CFAP52: variants seen among roughly 807,000 people sequenced by gnomAD.
The protein encoded by CFAP52 is cilia and flagella associated protein 52, also known as cilia- and flagella-associated protein 52.
CFAP52 carries 57 observed loss-of-function variants against 70.5 expected under a neutral mutation model. The ratio of observed to expected loss-of-function variants is 0.81; its 90% CI spans 0.65 to 1.01. The LOEUF is 1.01. Ranked by LOEUF, CFAP52 falls within the 50% of genes least tolerant of loss-of-function variation. The pLI is 0.00. For missense variants in CFAP52, 785 were observed against 788.5 expected (o/e 1.00, Z 0.05); for synonymous variants, 267 against 292.5 (o/e 0.91, Z 0.89).
chr17:9,580,318 TAA>T (rs11386649), intron 1 of CFAP52, among the ~76,000 whole-genome samples: 10 of 134,746 alleles, frequency 7.4e-5, no homozygotes, highest in African/African-American at 1.1e-4. Context: ...GGACCTTTCT[TAA>T]AAAAAAAAAA....
chr17:9,594,511 A>C, intron 4 of CFAP52, 190 bp downstream of exon 4: 1 of 640,436 alleles, frequency 1.6e-6, no homozygotes, highest in Non-Finnish European at 2.3e-6. Context: ...GTTATTTTAA[A>C]ATTCTGTGAT....
At chr17:9,595,964 TA>T (rs1357618787) in intron 4 of CFAP52, among the ~76,000 whole-genome samples, 1 of 147,848 alleles carries the variant, frequency 6.8e-6, no homozygotes, top group East Asian at 2.0e-4. Context: ...CTCTGGGAGC[TA>T]AAAAAACAAA....
chr17:9,603,441 C>T (rs537035068), intron 6 of CFAP52, among the ~76,000 whole-genome samples: 59 of 152,294 alleles, frequency 3.9e-4, no homozygotes, highest in African/African-American at 8.7e-4. Context: ...GATCTCCTGA[C>T]CCCGTGATCC....
intron 7 of CFAP52, among the ~76,000 whole-genome samples, 195 bp downstream of exon 7, chr17:9,608,414 C>T (rs1201208507): frequency 1.3e-5 from 2 of 152,202 alleles, no homozygotes; most frequent in African/African-American, 4.8e-5. Context: ...TATGTTGAAT[C>T]AAACCAAAGT....
chr17:9,596,065 A>ATATATATATG (rs1370361119), intron 4 of CFAP52, among the ~76,000 whole-genome samples: 12 of 48,052 alleles, frequency 2.5e-4, no homozygotes, highest in African/African-American at 8.2e-4. Flanking sequence ...GTGTGTATAT[A>ATATATATATG]TATATATATA....
At chr17:9,603,092 T>C (rs2054229) in intron 6 of CFAP52, among the ~76,000 whole-genome samples, 31,945 of 152,168 alleles carry the variant, frequency 0.21, 3,650 homozygotes, top group East Asian at 0.43. Flanking sequence ...TGTTTTGTTT[T>C]GTTTTGTTTT....
chr17:9,634,558 C>G (rs1318928201), intron 10 of CFAP52, among the ~76,000 whole-genome samples: 1 of 152,046 alleles, frequency 6.6e-6, no homozygotes, highest in Non-Finnish European at 1.5e-5. Flanking sequence ...GCATTGCACT[C>G]CAGCCTGGGT....
At position 9,600,201 on chromosome 17, in the gene CFAP52, C is replaced by T. The variant is rs538486368; in HGVS notation, c.753+18C>T. On this transcript the variant is annotated intron_variant, in intron 6 of 13. Coordinates refer to ENST00000352665, the MANE Select transcript of CFAP52 (RefSeq NM_145054.5). The stretch of plus-strand genomic sequence containing the variant: ...TCAGTTTGGTGAGTAGAGACCATCG[C>T]CACTGCCCTGCCATTTTTCTCCCTT... 2.5e-6 allele frequency: 4 copies of T among 1,598,152 alleles called. No individual in the cohort carries two copies. The African/African-American group carries it at 5.4e-5, about 21-fold the overall frequency.
intron 4 of CFAP52, among the ~76,000 whole-genome samples, chr17:9,597,931 C>T (rs1419377971): frequency 1.3e-5 from 2 of 151,914 alleles, no homozygotes; most frequent in Non-Finnish European, 2.9e-5. Context: ...GCCCATGTTC[C>T]CTGCTTACTT....
intron 12 of CFAP52, among the ~76,000 whole-genome samples, chr17:9,640,884 C>A (rs181066084): frequency 6.6e-6 from 1 of 152,090 alleles, no homozygotes; most frequent in South Asian, 2.1e-4. Flanking sequence ...CCTCAAGCAA[C>A]GGGCCCAACT....
chr17:9,643,844 T>A (rs1472092213), downstream of CFAP52, among the ~76,000 whole-genome samples: 1 of 152,164 alleles, frequency 6.6e-6, no homozygotes, highest in Non-Finnish European at 1.5e-5. Flanking sequence ...ATTACAGAGA[T>A]GCTTTATTGG....
At chr17:9,614,167 T>A (rs1909820423) in intron 8 of CFAP52, among the ~76,000 whole-genome samples, 2 of 147,600 alleles carry the variant, frequency 1.4e-5, no homozygotes, top group African/African-American at 5.0e-5. Flanking sequence ...CTTTTTTTTT[T>A]TTTTTTTGAG....
Position 9,631,086 on chromosome 17 carries a change from A to AAGAAAGAAAGAAAGAAAG in CFAP52, c.1175-1791_1175-1790insAAGAAAGAGAAAGAAAGA, listed in dbSNP as rs1567635059. On this transcript the variant is annotated intron_variant, in intron 9 of 13. Coordinates refer to ENST00000352665, the MANE Select transcript of CFAP52 (RefSeq NM_145054.5). The stretch of plus-strand genomic sequence containing the variant: ...AGAAAGAAAGAAAGAAAGAAAGAGA[A>AAGAAAGAAAGAAAGAAAG]AGAAAGAAAGAGAAAGAAAGAACAT... Among the ~76,000 whole-genome samples, 8 of 138,032 alleles carry AAGAAAGAAAGAAAGAAAG rather than the reference A, an allele frequency of 5.8e-5. No homozygotes were observed. In the East Asian group the frequency reaches 7.8e-4, roughly 13 times the overall value. 90.6% of individuals were successfully genotyped at this position (138,032 alleles called of 152,430 possible).
Position 9,576,883 on chromosome 17 carries a change from C to A in CFAP52, c.70+118C>A, listed in dbSNP as rs1597755511. On this transcript the variant is annotated intron_variant, in intron 1 of 13. Coordinates refer to ENST00000352665, the MANE Select transcript of CFAP52 (RefSeq NM_145054.5). ...AGGCAGTGTGGGACAACGGCAGGAG[C>A]CCTGGCCAGGGACACGCACAGGAGG... 4 of 1,119,518 alleles carry A rather than the reference C, an allele frequency of 3.6e-6. No homozygotes were observed. The South Asian group carries it at 5.3e-5, about 15-fold the overall frequency. 69.3% of individuals were successfully genotyped at this position (1,119,518 alleles called of 1,614,324 possible). A position where few individuals can be genotyped will look rare whatever the true frequency, so the allele number is the denominator to read the frequency against.
chr17:9,595,801 A>G (rs1419388602), intron 4 of CFAP52, among the ~76,000 whole-genome samples: 6 of 151,692 alleles, frequency 4.0e-5, no homozygotes, highest in Non-Finnish European at 8.8e-5. Context: ...AGTGCCATGT[A>G]TTCCACTATA....
rs1908446257 is a variant in CFAP52 at position 9,585,883 on chromosome 17, C to T, written c.181C>T (p.Gln61Ter). The T allele has an allele frequency of 6.2e-7, 1 of 1,613,808 alleles. No homozygotes were observed. Among genetic ancestry groups the T allele is most frequent in the Admixed American group, 1.7e-5 (1 of 59,972 alleles). Residue 61 changes from glutamine to a stop codon, truncating the protein, a stop_gained, in exon 2 of 14, where the codon CAG becomes TAG. Transcript: ENST00000352665. LOFTEE classifies it high-confidence loss of function. ...AINTKEQNFL[Q>*]GHGNNVSCLA... ...AAATACTAAAGAGCAGAACTTCCTACAGGGTCATGGCAACAACGTCTCCTG... is the reference window on the plus strand; with the variant it reads ...AAATACTAAAGAGCAGAACTTCCTATAGGGTCATGGCAACAACGTCTCCTG...
intron 1 of CFAP52, among the ~76,000 whole-genome samples, chr17:9,578,458 C>A (rs1908065778): frequency 6.6e-6 from 1 of 152,148 alleles, no homozygotes; most frequent in Non-Finnish European, 1.5e-5. Flanking sequence ...TGCCTATGAA[C>A]TGGACAGGTT....
At chr17:9,583,213 C>T (rs1202229696) in intron 1 of CFAP52, among the ~76,000 whole-genome samples, 11 of 151,490 alleles carry the variant, frequency 7.3e-5, no homozygotes, top group Non-Finnish European at 1.5e-5. Flanking sequence ...AATAGATCAC[C>T]CTAAAGACAT....
chr17:9,612,217 T>A, intron 7 of CFAP52, 92 bp from the exon 8 acceptor site: 1 of 1,467,848 alleles, frequency 6.8e-7, no homozygotes, highest in South Asian at 1.3e-5. Context: ...TGAAATTATA[T>A]GCCTGATTTG....
Sources: gnomAD v4.1 joint callset for allele counts (sites outside exome capture counted in the v4.1 genomes callset) on GRCh38, gnomAD v4.1.1 for gene constraint, MANE v1.5 for transcripts, NCBI Gene and HGNC (gene_info 2026-07-23, HGNC 2026-07-21) for gene names.